METTL15: variants seen among roughly 807,000 people sequenced by gnomAD.
METTL15 encodes 12S rRNA N(4)-cytidine methyltransferase METTL15.
METTL15 carries 34 observed loss-of-function variants against 38.3 expected under a neutral mutation model. That is an observed-to-expected ratio of 0.89 (90% CI 0.68 to 1.18). METTL15 has a LOEUF of 1.18. Ranked by LOEUF, METTL15 falls within the 50% of genes most tolerant of loss-of-function variation. The pLI is 0.00. For synonymous variants in METTL15, 162 were observed against 170.9 expected (o/e 0.95, Z 0.41); for missense variants, 438 against 498.4 (o/e 0.88, Z 1.15).
chr11:28,219,614 G>A (rs553069173), intron 4 of METTL15, among the ~76,000 whole-genome samples: 84 of 152,158 alleles, frequency 5.5e-4, no homozygotes, highest in African/African-American at 2.0e-3. Flanking sequence ...TTTTGAATGT[G>A]TGTGCTCTTG....
Position 28,374,381 on chromosome 11 carries a change from A to G in METTL15, c.*358+12345A>G, listed in dbSNP as rs537177929. Among the ~76,000 whole-genome samples the G allele has an allele frequency of 5.9e-5, 9 of 152,126 alleles. No homozygotes were observed. The South Asian group carries it at 8.3e-4, about 14-fold the overall frequency. On this transcript the variant is annotated intron_variant and NMD_transcript_variant, in intron 5 of 7. Coordinates refer to the METTL15 transcript ENST00000532947. ...AGCTCTCCTTGAAGAGGTCCTTCAC[A>G]TCCCTTGTAAGTTGGTTTCCTAGGT...
rs950538505 is a variant in METTL15 at position 28,388,024 on chromosome 11, A to T, written c.*358+25988A>T. On this transcript the variant is annotated intron_variant and NMD_transcript_variant, in intron 5 of 7. Coordinates refer to the METTL15 transcript ENST00000532947. ...CACTTTTGTGATAAAAATACTAAAC[A>T]AACTAGAAATAGGAATAAATTACCT... Among the ~76,000 whole-genome samples, 3 of 142,382 alleles carry T rather than the reference A, an allele frequency of 2.1e-5. No homozygotes were observed. In the South Asian group the frequency reaches 6.7e-4, roughly 32 times the overall value. 93.4% of individuals were successfully genotyped at this position (142,382 alleles called of 152,430 possible). A position where few individuals can be genotyped will look rare whatever the true frequency, so the allele number is the denominator to read the frequency against.
At chr11:28,136,239 T>G (rs563621140) in intron 3 of METTL15, among the ~76,000 whole-genome samples, 2 of 152,268 alleles carry the variant, frequency 1.3e-5, no homozygotes, top group East Asian at 3.9e-4. Flanking sequence ...TAATCCCCCT[T>G]GTGTCGAGGG....
chr11:28,204,894 A>C (rs1160201598), intron 3 of METTL15, among the ~76,000 whole-genome samples: 1 of 151,992 alleles, frequency 6.6e-6, no homozygotes, highest in Non-Finnish European at 1.5e-5. Context: ...ACTTAGTATT[A>C]AAATGTGAGT....
intron 5 of METTL15, among the ~76,000 whole-genome samples, chr11:28,372,223 T>A (rs574432649): frequency 3.5e-4 from 54 of 152,162 alleles, no homozygotes; most frequent in African/African-American, 1.3e-3. Context: ...CCAGCACCTA[T>A]TGAAATTATC....
rs544631501 is a variant in METTL15, at chr11:28,292,744, T to C, written c.599+2347T>C. On this transcript the variant is annotated intron_variant, in intron 5 of 6. Transcript: ENST00000407364. ...TGTTGTTTCCTGACTTTTTAATGAT[T>C]GCCATTCTAACTGGTGTGAGATGGT... 1.2e-3 allele frequency among the ~76,000 whole-genome samples: 186 copies of C among 152,242 alleles called. 1 individual carries two copies. Among genetic ancestry groups the C allele is most frequent in the African/African-American group, 4.3e-3 (178 of 41,560 alleles).
chr11:28,172,614 A>G (rs866435202), intron 3 of METTL15, among the ~76,000 whole-genome samples: 1 of 152,178 alleles, frequency 6.6e-6, no homozygotes, highest in African/African-American at 2.4e-5. Flanking sequence ...GTGTCCTCAC[A>G]GTCACCCAAT....
At chr11:28,258,438 C>A (rs1855062350) in intron 4 of METTL15, among the ~76,000 whole-genome samples, 1 of 152,142 alleles carries the variant, frequency 6.6e-6, no homozygotes, top group South Asian at 2.1e-4. Context: ...GTAGCAAAGC[C>A]ACCCAGGCTT....
chr11:28,401,893 A>G (rs890410383), intron 5 of METTL15, among the ~76,000 whole-genome samples: 2 of 152,028 alleles, frequency 1.3e-5, no homozygotes, highest in Admixed American at 1.3e-4. Context: ...GAAAAATATT[A>G]TAATGTTAAG....
At chr11:28,322,305 C>G (rs370675467) in intron 6 of METTL15, among the ~76,000 whole-genome samples, 106 of 152,112 alleles carry the variant, frequency 7.0e-4, no homozygotes, top group African/African-American at 2.4e-3. Context: ...TTATAAATAG[C>G]TCTTCCAAAT....
At chr11:28,447,805 G>A (rs1013040774) in intron 6 of METTL15, among the ~76,000 whole-genome samples, 3 of 152,088 alleles carry the variant, frequency 2.0e-5, no homozygotes. Context: ...TGCTTTAGGG[G>A]TTAGGATGGC....
intron 5 of METTL15, among the ~76,000 whole-genome samples, chr11:28,414,840 A>G (rs901178313): frequency 6.6e-6 from 1 of 152,230 alleles, no homozygotes; most frequent in Non-Finnish European, 1.5e-5. Flanking sequence ...AAGCCACAGA[A>G]AGCTTATCTT....
intron 4 of METTL15, among the ~76,000 whole-genome samples, chr11:28,360,036 G>A (rs1365110818): frequency 6.6e-6 from 1 of 152,130 alleles, no homozygotes; most frequent in Non-Finnish European, 1.5e-5. Context: ...GAGAGAGAAT[G>A]CAGGATTCTT....
intron 5 of METTL15, among the ~76,000 whole-genome samples, chr11:28,389,018 T>C (rs1590356748): frequency 6.6e-6 from 1 of 152,078 alleles, no homozygotes; most frequent in Non-Finnish European, 1.5e-5. Flanking sequence ...AACTCATCCT[T>C]TTTTATGGCT....
intron 4 of METTL15, among the ~76,000 whole-genome samples, chr11:28,214,535 T>C (rs1019277164): frequency 5.3e-5 from 8 of 152,164 alleles, no homozygotes; most frequent in Admixed American, 2.6e-4. Context: ...AATGATAGGT[T>C]GATAAGCATG....
chr11:28,206,476 T>G (rs921642138), intron 3 of METTL15, among the ~76,000 whole-genome samples: 1 of 152,124 alleles, frequency 6.6e-6, no homozygotes, highest in African/African-American at 2.4e-5. Context: ...TATCTCTGTT[T>G]TGGTACCAGT....
At chr11:28,393,924 A>G (rs1177734903) in intron 5 of METTL15, among the ~76,000 whole-genome samples, 1 of 152,030 alleles carries the variant, frequency 6.6e-6, no homozygotes, top group Non-Finnish European at 1.5e-5. Flanking sequence ...TCCCAAATTG[A>G]GCAACTGCTT....
chr11:28,316,804 C>T (rs1029096362), intron 6 of METTL15, among the ~76,000 whole-genome samples: 4 of 152,098 alleles, frequency 2.6e-5, no homozygotes, highest in Non-Finnish European at 5.9e-5. Context: ...AAGAATTGCC[C>T]TGCACGAGCT....
chr11:28,338,862 T>C (rs549589218), intron 3 of METTL15, among the ~76,000 whole-genome samples: 2 of 152,150 alleles, frequency 1.3e-5, no homozygotes, highest in East Asian at 3.9e-4. Flanking sequence ...CTGGACAAAA[T>C]ATTTTTTGTA....
Sources: allele counts gnomAD v4.1 joint callset (sites outside exome capture counted in the v4.1 genomes callset), GRCh38; gene constraint gnomAD v4.1.1; transcripts MANE v1.5; gene names NCBI Gene and HGNC (gene_info 2026-07-23, HGNC 2026-07-21).